MYT1L: variants seen among roughly 807,000 people sequenced by gnomAD.
The protein encoded by MYT1L is myelin transcription factor 1 like.
Under a neutral mutation model 126.7 loss-of-function variants are expected in MYT1L, and 12 were observed. The ratio of observed to expected loss-of-function variants is 0.09; its 90% CI spans 0.06 to 0.15. The LOEUF (loss-of-function observed/expected upper bound fraction) is 0.15. Among genes scored for constraint, MYT1L ranks in the 10% least tolerant of loss-of-function variants. MYT1L has a pLI of 1.00. For missense variants in MYT1L, 979 were observed against 1,585.2 expected, an observed-to-expected ratio of 0.62 and a Z score of 6.49; for synonymous variants, 541 against 604.2, an observed-to-expected ratio of 0.90 and a Z score of 1.53.
rs544344130 is a variant in MYT1L, at chr2:1,996,185, G to A, written c.-1+1006C>T. Among the ~76,000 whole-genome samples the A allele has an allele frequency of 1.1e-4, 17 of 152,346 alleles. No individual in the cohort carries two copies. The East Asian group carries it at 1.9e-3, about 17-fold the overall frequency. On this transcript the variant is annotated intron_variant, in intron 5 of 24. Transcript: ENST00000647738. ...GGAAACCGGGCTAGGAGATGTGAGT[G>A]CTGCTGTTTATTTAGTTCTTTTCTC...
intron 3 of MYT1L, among the ~76,000 whole-genome samples, chr2:2,134,449 C>T (rs933301286): frequency 2.6e-5 from 4 of 152,184 alleles, no homozygotes; most frequent in East Asian, 3.8e-4. Flanking sequence ...ATCATACATG[C>T]TGCTATTAAC....
intron 3 of MYT1L, among the ~76,000 whole-genome samples, chr2:2,137,778 C>G (rs540880444): frequency 2.0e-5 from 3 of 151,928 alleles, no homozygotes; most frequent in African/African-American, 7.3e-5. Flanking sequence ...ACATAGGCAC[C>G]GCAAGGACTT....
intron 4 of MYT1L, among the ~76,000 whole-genome samples, chr2:2,013,332 C>G (rs2064028475): frequency 6.6e-6 from 1 of 152,160 alleles, no homozygotes; most frequent in South Asian, 2.1e-4. Flanking sequence ...TTGTGCCCTT[C>G]AGCTCCAGGC....
At chr2:2,037,209 C>A (rs1161263336) in intron 4 of MYT1L, among the ~76,000 whole-genome samples, 3 of 152,184 alleles carry the variant, frequency 2.0e-5, no homozygotes, top group Admixed American at 6.5e-5. Context: ...ATTCTTATTA[C>A]AACATGCAAT....
chr2:1,951,734 C>A (rs1014119481), intron 8 of MYT1L, among the ~76,000 whole-genome samples: 2 of 152,168 alleles, frequency 1.3e-5, no homozygotes, highest in African/African-American at 4.8e-5. Flanking sequence ...AAAAACAGTC[C>A]ACATGAAACA....
chr2:1,857,227 G>A (rs966707769), intron 18 of MYT1L, among the ~76,000 whole-genome samples: 2 of 152,198 alleles, frequency 1.3e-5, no homozygotes, highest in Non-Finnish European at 1.5e-5. Context: ...CTCCAAATCA[G>A]TCTAAAGGGA....
In MYT1L at chr2:1,889,947, T is replaced by G. The variant is rs2148858913; in HGVS notation, c.2284-470A>C. Among the ~76,000 whole-genome samples, 1 of 152,302 alleles carries G rather than the reference T, an allele frequency of 6.6e-6. No individual in the cohort carries two copies. Among genetic ancestry groups the G allele is most frequent in the Non-Finnish European group, 1.5e-5 (1 of 68,032 alleles). On this transcript the variant is annotated intron_variant, in intron 15 of 24. Transcript: ENST00000647738. This position sits in a 1 kb window ranked among gnomAD's most constrained non-coding sequence, Gnocchi z 4.1. Reference sequence around the variant, plus strand: ...GTGTGTGTGTATAAACACACATATATCAGCTTAAAAATTCTCTTTTTTATT... The same window carrying G: ...GTGTGTGTGTATAAACACACATATAGCAGCTTAAAAATTCTCTTTTTTATT...
At chr2:1,956,622 ACC>A (rs1558534508) in intron 8 of MYT1L, among the ~76,000 whole-genome samples, 20 of 139,272 alleles carry the variant, frequency 1.4e-4, no homozygotes, top group Non-Finnish European at 1.7e-4. Flanking sequence ...CTATCTATCT[ACC>A]TACCTACCTA....
intron 2 of MYT1L, among the ~76,000 whole-genome samples, chr2:2,209,749 G>T (rs1020253490): frequency 2.0e-5 from 3 of 152,174 alleles, no homozygotes; most frequent in Non-Finnish European, 4.4e-5. Context: ...TAGTCCTTCA[G>T]TGAACACGGG....
intron 24 of MYT1L, 41 bp downstream of exon 24, chr2:1,792,280 G>A (rs2032259407): frequency 6.4e-7 from 1 of 1,565,082 alleles, no homozygotes; most frequent in Non-Finnish European, 8.7e-7. Flanking sequence ...TGTGCGCTGT[G>A]GAGGACTCCA....
Position 1,990,208 on chromosome 2 carries a change from G to A in MYT1L, c.-1+6983C>T, listed in dbSNP as rs567229473. Among the ~76,000 whole-genome samples, 17 of 152,348 alleles carry A rather than the reference G, an allele frequency of 1.1e-4. No individual in the cohort carries two copies. In the East Asian group the frequency reaches 1.2e-3, roughly 10 times the overall value. The stretch of plus-strand genomic sequence containing the variant: ...TAGCTGATGCTCCCCATTCCTGGGC[G>A]GACGCCATCTCTTGTGGGAACTCAC... On this transcript the variant is annotated intron_variant, in intron 5 of 24. Transcript: ENST00000647738.
intron 10 of MYT1L, among the ~76,000 whole-genome samples, chr2:1,920,599 T>C (rs1268917044): frequency 6.6e-6 from 1 of 152,134 alleles, no homozygotes; most frequent in Non-Finnish European, 1.5e-5. Context: ...GTCTAAAACA[T>C]AAGCCTAAAA....
At chr2:2,314,406 T>C (rs1452664934) in intron 1 of MYT1L, among the ~76,000 whole-genome samples, 1 of 152,204 alleles carries the variant, frequency 6.6e-6, no homozygotes, top group Admixed American at 6.5e-5. Context: ...ACCATGTTCA[T>C]AGTAATATAG....
chr2:2,041,555 T>C (rs756151725), intron 4 of MYT1L, among the ~76,000 whole-genome samples: 1 of 152,178 alleles, frequency 6.6e-6, no homozygotes. Flanking sequence ...TCAGAAAAAT[T>C]TTCTGTTCCA....
At chr2:2,213,228 A>C (rs1356793086) in intron 2 of MYT1L, among the ~76,000 whole-genome samples, 4 of 152,182 alleles carry the variant, frequency 2.6e-5, no homozygotes, top group African/African-American at 9.6e-5. Flanking sequence ...TAGAAAACAA[A>C]ATGCTTGTCC....
At chr2:1,958,300 G>A (rs1045750978) in intron 8 of MYT1L, among the ~76,000 whole-genome samples, 2 of 152,068 alleles carry the variant, frequency 1.3e-5, no homozygotes, top group African/African-American at 4.8e-5. Flanking sequence ...TGAGGAGGTG[G>A]CTACTGCAGA....
At chr2:2,269,904 C>G (rs2095228485) in intron 2 of MYT1L, among the ~76,000 whole-genome samples, 1 of 152,200 alleles carries the variant, frequency 6.6e-6, no homozygotes, top group South Asian at 2.1e-4. Flanking sequence ...ATCTCTGCCT[C>G]CAAATCTATT....
intron 3 of MYT1L, among the ~76,000 whole-genome samples, chr2:2,094,053 T>C (rs2077177065): frequency 1.3e-5 from 2 of 152,184 alleles, no homozygotes; most frequent in Admixed American, 1.3e-4. Context: ...GGTCTATATC[T>C]CTATTTCAGT....
At chr2:2,090,306 A>G (rs1325215861) in intron 3 of MYT1L, among the ~76,000 whole-genome samples, 1 of 152,170 alleles carries the variant, frequency 6.6e-6, no homozygotes, top group Non-Finnish European at 1.5e-5. Flanking sequence ...CACCACAATA[A>G]AGGGAATACG....
Sources: allele counts gnomAD v4.1 joint callset (sites outside exome capture counted in the v4.1 genomes callset), GRCh38; gene constraint gnomAD v4.1.1; non-coding constraint Gnocchi (gnomAD v3.1); transcripts MANE v1.5; gene names NCBI Gene and HGNC (gene_info 2026-07-23, HGNC 2026-07-21).